SLC4A9: variants seen among roughly 807,000 people sequenced by gnomAD.
SLC4A9 encodes the protein solute carrier family 4 member 9, also known as anion exchange protein 4.
SLC4A9 carries 102 observed loss-of-function variants against 103.2 expected under a neutral mutation model. That is an observed-to-expected ratio of 0.99 (90% CI 0.84 to 1.17). SLC4A9 has a LOEUF of 1.17. Ranked by LOEUF, SLC4A9 falls within the 50% of genes most tolerant of loss-of-function variation. SLC4A9 has a pLI of 0.00. For missense variants in SLC4A9, 1,091 were observed against 1,193.7 expected (o/e 0.91, Z 1.27); for synonymous variants, 453 against 483.6 (o/e 0.94, Z 0.83).
chr5:140,364,478 T>C lies in SLC4A9; in HGVS notation c.1504T>C (p.Phe502Leu). Residue 502 changes from phenylalanine (F) to leucine (L), a missense_variant, in exon 11 of 22, where the codon TTC (phenylalanine) becomes CTC (leucine). Phe to Leu is a conservative substitution (Grantham distance 22). Coordinates refer to ENST00000506757, the MANE Select transcript of SLC4A9 (RefSeq NM_031467.3). ...TGTGCTGGTGCGCTACTTCACCCGC[T>C]TCACTGAGGAAGGTTTCTGTGCCCT... ...ASVLVRYFTR[F>L]TEEGFCALIS... 1 of 1,612,916 alleles carries C rather than the reference T, an allele frequency of 6.2e-7. No individual in the cohort carries two copies. The highest frequency in any genetic ancestry group is 2.2e-5 in the East Asian group (1 of 44,858).
intron 14 of SLC4A9, among the ~76,000 whole-genome samples, chr5:140,367,102 G>C (rs1009079116): frequency 1.3e-5 from 2 of 152,202 alleles, no homozygotes; most frequent in African/African-American, 4.8e-5. Context: ...GGGGGAGAGG[G>C]ATCTCTAGGG....
chr5:140,363,867 G>A lies in SLC4A9; in HGVS notation c.1219G>A (p.Gly407Arg). ...CACTGTCACTAATGCCATCACTTTT[G>A]GGGGTCTGCTGGGAGATGCCACTGA... ...LATVTNAITF[G>R]GLLGDATDGA... The change falls in exon 9 of 22, where the codon GGG becomes AGG. Residue 407 changes from glycine (G) to arginine (R), a missense_variant. Physicochemically the swap from Gly to Arg is moderately radical, Grantham distance 125 (BLOSUM62 -2). Transcript: ENST00000506757. This position sits in a 1 kb window ranked among gnomAD's most constrained non-coding sequence, Gnocchi z 4.5. 1 of 1,613,958 alleles carries A rather than the reference G, an allele frequency of 6.2e-7. No homozygotes were observed. The highest frequency in any genetic ancestry group is 8.5e-7 in the Non-Finnish European group (1 of 1,179,880).
chr5:140,360,735 C>T, intron 1 of SLC4A9, 77 bp from the exon 2 acceptor site: 1 of 1,597,450 alleles, frequency 6.3e-7, no homozygotes, highest in Non-Finnish European at 8.5e-7. Flanking sequence ...CCTTGCCTTC[C>T]CTAGCTCCTC....
chr5:140,363,177 G>T lies in SLC4A9; in HGVS notation c.962+111G>T. 3 of 1,401,122 alleles carry T rather than the reference G, an allele frequency of 2.1e-6. No homozygotes were observed. In the East Asian group the frequency reaches 7.4e-5, roughly 35 times the overall value. The allele number at this position is 1,401,122 out of a possible 1,614,324, so 86.8% of individuals were successfully genotyped here. On this transcript the variant is annotated intron_variant, in intron 7 of 21. Transcript: ENST00000506757. The surrounding 1 kb of genome is among the most constrained non-coding windows in gnomAD (Gnocchi z 4.5). ...GGAAAGAGATAGGGACCTATCTTTG[G>T]ATTTGGAGTCAGGCAGACCTAACTC...
intron 14 of SLC4A9, among the ~76,000 whole-genome samples, chr5:140,367,167 T>C (rs1309192940): frequency 6.6e-6 from 1 of 152,198 alleles, no homozygotes; most frequent in East Asian, 1.9e-4. Flanking sequence ...CACCTCCTTC[T>C]GTTCCAGGGA....
chr5:140,373,243 T>C (rs191808682), intron 21 of SLC4A9, among the ~76,000 whole-genome samples: 2 of 152,324 alleles, frequency 1.3e-5, no homozygotes, highest in East Asian at 3.9e-4. Context: ...TCCAGACTTG[T>C]GGAGGAAATC....
At chr5:140,372,172 T>G (rs1581168161) in intron 19 of SLC4A9, 70 bp from the exon 20 acceptor site, 1 of 1,361,226 alleles carries the variant, frequency 7.3e-7, no homozygotes, top group South Asian at 1.6e-5. Context: ...AAGTGCTCAA[T>G]AAGTGTTACT....
intron 18 of SLC4A9, 134 bp from the exon 19 acceptor site, chr5:140,371,317 G>A: frequency 7.2e-7 from 1 of 1,395,676 alleles, no homozygotes; most frequent in Non-Finnish European, 1.0e-6. Flanking sequence ...TCTTTTTCCT[G>A]TCTCTCCTGG....
At position 140,363,868 on chromosome 5, in the gene SLC4A9, G is replaced by A. The variant is rs1261434247; in HGVS notation, c.1220G>A (p.Gly407Glu). ...LATVTNAITF[G>E]GLLGDATDGA... ...ACTGTCACTAATGCCATCACTTTTG[G>A]GGGTCTGCTGGGAGATGCCACTGAT... Residue 407 changes from glycine to glutamate, a missense_variant, in exon 9 of 22, where the codon GGG becomes GAG. Coordinates refer to ENST00000506757, the MANE Select transcript of SLC4A9 (RefSeq NM_031467.3). This position sits in a 1 kb window ranked among gnomAD's most constrained non-coding sequence, Gnocchi z 4.5. 1 of 1,613,962 alleles carries A rather than the reference G, an allele frequency of 6.2e-7. No homozygotes were observed. The highest frequency in any genetic ancestry group is 1.6e-4 in the Middle Eastern group (1 of 6,062).
chr5:140,362,588 G>A (rs1222911957), intron 6 of SLC4A9, 56 bp downstream of exon 6: 2 of 1,465,510 alleles, frequency 1.4e-6, no homozygotes, highest in Admixed American at 3.3e-5. Context: ...CTGTGTGTGT[G>A]TGCACACATG....
At chr5:140,365,488 A>G (rs1235991234) in intron 11 of SLC4A9, 32 bp from the exon 12 acceptor site, 2 of 1,591,560 alleles carry the variant, frequency 1.3e-6, no homozygotes, top group African/African-American at 2.7e-5. Context: ...CAGGGGAGGG[A>G]ACATACATCT....
chr5:140,361,718 A>C (rs1767109205), intron 3 of SLC4A9, 90 bp from the exon 4 acceptor site: 1 of 1,413,482 alleles, frequency 7.1e-7, no homozygotes, highest in East Asian at 2.3e-5. Context: ...TAATTCTTAC[A>C]GCTTGTCAGT....
Position 140,363,028 on chromosome 5 carries a change from G to A in SLC4A9, c.924G>A (p.Arg308=), listed in dbSNP as rs1405879881. The part of the protein sequence containing the change: ...LPPGRWDPTA[R]IPPPKCLPSQ... ...CAGGTCGGTGGGACCCAACAGCCCG[G>A]ATTCCCCCGCCCAAATGTCTGCCAT... Residue 308 remains arginine, a synonymous_variant, in exon 7 of 22, where the codon CGG becomes CGA. Transcript: ENST00000506757. This position sits in a 1 kb window ranked among gnomAD's most constrained non-coding sequence, Gnocchi z 4.5. 1.9e-6 allele frequency: 3 copies of A among 1,613,200 alleles called. No homozygotes were observed. Among genetic ancestry groups the A allele is most frequent in the Admixed American group, 3.3e-5 (2 of 59,708 alleles).
intron 6 of SLC4A9, 118 bp downstream of exon 6, chr5:140,362,650 C>T: frequency 9.0e-7 from 1 of 1,109,728 alleles, no homozygotes; most frequent in Non-Finnish European, 1.4e-6. Flanking sequence ...TGTATGTGTC[C>T]CTAAATACAG....
At chr5:140,365,287 A>G (rs930293827) in intron 11 of SLC4A9, among the ~76,000 whole-genome samples, 2 of 152,306 alleles carry the variant, frequency 1.3e-5, no homozygotes, top group East Asian at 1.9e-4. Flanking sequence ...CTGAGCATCT[A>G]CTGTGGCCAG....
At position 140,362,160 on chromosome 5, in the gene SLC4A9, G is replaced by A; in HGVS notation, c.705G>A (p.Val235=). The A allele has an allele frequency of 6.5e-7, 1 of 1,543,952 alleles. No individual in the cohort carries two copies. Among genetic ancestry groups the A allele is most frequent in the Non-Finnish European group, 8.7e-7 (1 of 1,152,730 alleles). The change falls in exon 5 of 22, where the codon GTG becomes GTA. Residue 235 remains valine, a synonymous_variant. Coordinates refer to ENST00000506757, the MANE Select transcript of SLC4A9 (RefSeq NM_031467.3). The part of the protein sequence containing the change: ...NPVVLGSLTE[V]SLPSRFFCLL... ...TGGTACTGGGGTCCCTTACTGAGGT[G>A]TCCCTCCCAAGCAGGTGAGGCTACT...
Position 140,360,427 on chromosome 5 carries a change from T to C in SLC4A9, c.191T>C (p.Leu64Pro), listed in dbSNP as rs776966440. 9.3e-5 allele frequency: 148 copies of C among 1,592,932 alleles called. No homozygotes were observed. Among genetic ancestry groups the C allele is most frequent in the Admixed American group, 8.7e-5 (5 of 57,328 alleles). The change falls in exon 1 of 22, where the codon CTG (leucine) becomes CCG (proline). Residue 64 changes from leucine (L) to proline (P), a missense_variant. Physicochemically the swap from Leu to Pro is moderately conservative, Grantham distance 98. Transcript: ENST00000506757. ...CTCTTCATTCAGCTGAATGAGCTGC[T>C]GGGCTGGCCCCAGGCGCTGGAGTGG... ...PLLFIQLNEL[L>P]GWPQALEWRE... is the part of the protein sequence containing the mutation.
At chr5:140,367,328 G>A in intron 14 of SLC4A9, 92 bp from the exon 15 acceptor site, 4 of 1,442,836 alleles carry the variant, frequency 2.8e-6, no homozygotes, top group Non-Finnish European at 3.7e-6. Flanking sequence ...TGGGGTGGGG[G>A]CAGGTTGTGG....
intron 14 of SLC4A9, among the ~76,000 whole-genome samples, chr5:140,366,819 AC>A (rs1317078868): frequency 6.6e-6 from 1 of 151,998 alleles, no homozygotes; most frequent in Non-Finnish European, 1.5e-5. Context: ...CACGTTGCCT[AC>A]CCTGATCCAG....
Sources: allele counts gnomAD v4.1 joint callset (sites outside exome capture counted in the v4.1 genomes callset), GRCh38; gene constraint gnomAD v4.1.1; non-coding constraint Gnocchi (gnomAD v3.1); transcripts MANE v1.5; gene names NCBI Gene and HGNC (gene_info 2026-07-23, HGNC 2026-07-21).